The following DOK6 variants were observed in gnomAD, a reference collection of about 807,000 sequenced individuals.
DOK6 encodes downstream of tyrosine kinase 6.
In DOK6, 22 loss-of-function variants were observed where a neutral mutation model predicts 44.0. The observed-to-expected ratio is 0.50, with a 90% CI of 0.36 to 0.71. The LOEUF is 0.71. Among genes scored for constraint, DOK6 ranks in the 30% least tolerant of loss-of-function variants. DOK6 has a pLI of 0.00. For missense variants in DOK6, 340 were observed against 416.4 expected, an observed-to-expected ratio of 0.82 and a Z score of 1.60; for synonymous variants, 166 against 145.5, an observed-to-expected ratio of 1.14 and a Z score of -1.01.
At chr18:69,726,268 C>A (rs1016504618) in intron 5 of DOK6, among the ~76,000 whole-genome samples, 1 of 152,168 alleles carries the variant, frequency 6.6e-6, no homozygotes, top group African/African-American at 2.4e-5. Context: ...GAATAACGCT[C>A]TTGTTTGAGT....
At chr18:69,730,540 T>C (rs1025273685) in intron 5 of DOK6, among the ~76,000 whole-genome samples, 1 of 152,220 alleles carries the variant, frequency 6.6e-6, no homozygotes, top group Non-Finnish European at 1.5e-5. Flanking sequence ...GGGAGATATT[T>C]ACTCCACTTC....
chr18:69,449,285 A>C (rs972020605), intron 1 of DOK6, among the ~76,000 whole-genome samples: 2 of 152,222 alleles, frequency 1.3e-5, no homozygotes, highest in African/African-American at 4.8e-5. Context: ...GGCAGATACA[A>C]TGTGAGAAAC....
chr18:69,407,913 C>T (rs1652707531), intron 1 of DOK6, among the ~76,000 whole-genome samples: 1 of 152,162 alleles, frequency 6.6e-6, no homozygotes, highest in African/African-American at 2.4e-5. Context: ...ATAATGGTAA[C>T]ATAATCTCAC....
chr18:69,758,396 CCTTTGTA>C (rs952131653), intron 7 of DOK6, among the ~76,000 whole-genome samples: 3 of 152,042 alleles, frequency 2.0e-5, no homozygotes, highest in Admixed American at 6.6e-5. Context: ...AGATACTTTG[CCTTTGTA>C]CTTTTTCTAA....
chr18:69,673,503 A>G (rs1307959908), intron 3 of DOK6, among the ~76,000 whole-genome samples: 1 of 152,116 alleles, frequency 6.6e-6, no homozygotes, highest in Non-Finnish European at 1.5e-5. Flanking sequence ...TTCTGTGGAG[A>G]AATGGAAAGA....
intron 1 of DOK6, among the ~76,000 whole-genome samples, chr18:69,448,831 G>A (rs893475221): frequency 6.6e-6 from 1 of 152,184 alleles, no homozygotes; most frequent in African/African-American, 2.4e-5. Flanking sequence ...CCAATACTGA[G>A]TGCCATGTAT....
chr18:69,472,006 T>C (rs967966586), intron 1 of DOK6, among the ~76,000 whole-genome samples: 1 of 152,198 alleles, frequency 6.6e-6, no homozygotes, highest in Non-Finnish European at 1.5e-5. Context: ...AGTTTACATT[T>C]ATTTCCTCAG....
At chr18:69,495,550 G>T (rs1404922891) in intron 1 of DOK6, among the ~76,000 whole-genome samples, 3 of 152,172 alleles carry the variant, frequency 2.0e-5, no homozygotes, top group African/African-American at 7.2e-5. Context: ...ATTCAAAGGG[G>T]AGGAAGTGCA....
At chr18:69,836,574 T>A (rs1568141061) in intron 7 of DOK6, among the ~76,000 whole-genome samples, 1 of 152,110 alleles carries the variant, frequency 6.6e-6, no homozygotes, top group Admixed American at 6.5e-5. Context: ...GAATGCACAA[T>A]AGATTAGAAA....
chr18:69,559,194 CT>C (rs1376180034), intron 1 of DOK6, among the ~76,000 whole-genome samples: 1 of 151,906 alleles, frequency 6.6e-6, no homozygotes, highest in Non-Finnish European at 1.5e-5. Context: ...AGAAATATGC[CT>C]TCTGGCTCAT....
chr18:69,695,293 C>A (rs955741597), intron 4 of DOK6, among the ~76,000 whole-genome samples: 1 of 152,182 alleles, frequency 6.6e-6, no homozygotes, highest in Non-Finnish European at 1.5e-5. Context: ...GGGGGCCCAG[C>A]ATTCTGTGTT....
At chr18:69,665,687 T>A (rs1414177509) in intron 3 of DOK6, among the ~76,000 whole-genome samples, 1 of 152,232 alleles carries the variant, frequency 6.6e-6, no homozygotes, top group East Asian at 1.9e-4. Context: ...AGCGATTGAC[T>A]TTTTTAGAGA....
chr18:69,615,083 G>A lies in DOK6; in HGVS notation c.289+15585G>A, dbSNP rs184938698. Among the ~76,000 whole-genome samples, 9 of 152,144 alleles carry A rather than the reference G, an allele frequency of 5.9e-5. No individual in the cohort carries two copies. In the East Asian group the frequency reaches 1.4e-3, roughly 23 times the overall value. ...AGTAAAACAACTAATAGATTTTATC[G>A]ATGTTAGATCAGTGTTATAGTCAAA... On this transcript the variant is annotated intron_variant, in intron 3 of 7. Transcript: ENST00000382713.
chr18:69,660,376 A>AC (rs1985491320), intron 3 of DOK6: 1 of 150,718 alleles, frequency 6.6e-6, no homozygotes, highest in East Asian at 1.9e-4. Flanking sequence ...CCAATAACAT[A>AC]AATTTCAACT....
At chr18:69,674,871 T>G (rs1018615806) in intron 3 of DOK6, among the ~76,000 whole-genome samples, 2 of 152,246 alleles carry the variant, frequency 1.3e-5, no homozygotes, top group East Asian at 1.9e-4. Flanking sequence ...TATAACCTCC[T>G]AGCACAGTGC....
rs12185336 is a variant in DOK6, at chr18:69,549,434, C to T, written c.67-15053C>T. 9.2e-3 allele frequency among the ~76,000 whole-genome samples: 1,400 copies of T among 151,550 alleles called. 52 individuals carry two copies. The highest frequency in any genetic ancestry group is 0.02 in the Middle Eastern group (6 of 294). Reference sequence around the variant, plus strand: ...ATGATACAATCAGAGTGAGAAAATGCATGAGATGGGTTGTTGCAGATTCCC... The same window carrying T: ...ATGATACAATCAGAGTGAGAAAATGTATGAGATGGGTTGTTGCAGATTCCC... On this transcript the variant is annotated intron_variant, in intron 1 of 7. Coordinates refer to ENST00000382713, the MANE Select transcript of DOK6 (RefSeq NM_152721.6).
chr18:69,578,690 A>G (rs140656778), intron 2 of DOK6, among the ~76,000 whole-genome samples: 261 of 152,322 alleles, frequency 1.7e-3, no homozygotes, highest in African/African-American at 6.0e-3. Flanking sequence ...GCCTAATTGC[A>G]TAATATATGA....
At chr18:69,710,407 A>G (rs1341398148) in intron 5 of DOK6, among the ~76,000 whole-genome samples, 1 of 152,228 alleles carries the variant, frequency 6.6e-6, no homozygotes, top group South Asian at 2.1e-4. Flanking sequence ...AAGAATCAAA[A>G]TCAATTTGCA....
chr18:69,404,278 G>A (rs1916155889), intron 1 of DOK6, among the ~76,000 whole-genome samples: 1 of 152,170 alleles, frequency 6.6e-6, no homozygotes, highest in African/African-American at 2.4e-5. Flanking sequence ...GGTTTAAGAG[G>A]TCAAAAAGGC....
Sources: allele counts gnomAD v4.1 joint callset (sites outside exome capture counted in the v4.1 genomes callset), GRCh38; gene constraint gnomAD v4.1.1; transcripts MANE v1.5; gene names NCBI Gene and HGNC (gene_info 2026-07-23, HGNC 2026-07-21).